NLGN4X: variants seen among roughly 807,000 people sequenced by gnomAD.
The protein encoded by NLGN4X is neuroligin 4 X-linked, also known as neuroligin-4, X-linked.
Under a neutral mutation model 40.3 loss-of-function variants are expected in NLGN4X, and 3 were observed. The observed-to-expected ratio is 0.07, with a 90% CI of 0.03 to 0.19. The LOEUF is 0.19. Ranked by LOEUF, NLGN4X falls within the 10% of genes least tolerant of loss-of-function variation. The pLI, the probability that NLGN4X is intolerant of heterozygous loss-of-function variation, is 1.00. For missense variants in NLGN4X, 382 were observed against 708.3 expected (o/e 0.54, Z 5.23); for synonymous variants, 270 against 306.8 (o/e 0.88, Z 1.25).
At chrX:5,948,096 A>T (rs1335154783) in intron 3 of NLGN4X, among the ~76,000 whole-genome samples, 1 of 111,824 alleles carries the variant, frequency 8.9e-6, no homozygotes, top group Non-Finnish European at 1.9e-5. Flanking sequence ...GGAAAGACAT[A>T]GTAACAGAAA....
chrX:5,898,367 CCCT>C (rs1475357335), intron 5 of NLGN4X, among the ~76,000 whole-genome samples: 1 of 106,127 alleles, frequency 9.4e-6, no homozygotes, highest in Non-Finnish European at 1.9e-5. Flanking sequence ...TCCATTCCCT[CCCT>C]CCTTCCTTCC....
intron 2 of NLGN4X, among the ~76,000 whole-genome samples, chrX:6,091,530 T>C (rs2038639969): frequency 9.0e-6 from 1 of 111,466 alleles, no homozygotes; most frequent in Non-Finnish European, 1.9e-5. Flanking sequence ...GAGATTCTGC[T>C]ACAGTCTGCT....
chrX:5,942,965 T>C (rs557117880), intron 3 of NLGN4X, among the ~76,000 whole-genome samples: 10 of 111,627 alleles, frequency 9.0e-5, no homozygotes, highest in South Asian at 7.7e-4. Context: ...CTGTTGTGAA[T>C]TGTCTTTGCA....
At chrX:6,226,105 G>C (rs1423412606) in intron 1 of NLGN4X, among the ~76,000 whole-genome samples, 4 of 102,802 alleles carry the variant, frequency 3.9e-5, no homozygotes, top group East Asian at 6.3e-4. Flanking sequence ...GCCCTAGGCT[G>C]AATTCGTGAC....
intron 2 of NLGN4X, among the ~76,000 whole-genome samples, chrX:6,087,931 A>C (rs189442735): frequency 8.9e-6 from 1 of 111,868 alleles, no homozygotes; most frequent in African/African-American, 3.2e-5. Flanking sequence ...ACTCATTTAC[A>C]AGTTTTTCTC....
intron 3 of NLGN4X, among the ~76,000 whole-genome samples, chrX:5,931,549 A>G (rs1362563041): frequency 8.9e-6 from 1 of 112,164 alleles, no homozygotes; most frequent in Non-Finnish European, 1.9e-5. Flanking sequence ...TCTTCAGTCC[A>G]AAGTCCAGGG....
chrX:6,103,510 G>A (rs1479467775), intron 2 of NLGN4X, among the ~76,000 whole-genome samples: 1 of 112,194 alleles, frequency 8.9e-6, no homozygotes, highest in Non-Finnish European at 1.9e-5. Flanking sequence ...GCAATGTCTA[G>A]GAGTGCAGAA....
At chrX:6,055,551 G>T (rs1033804174) in intron 2 of NLGN4X, among the ~76,000 whole-genome samples, 6 of 110,844 alleles carry the variant, frequency 5.4e-5, no homozygotes, top group African/African-American at 2.0e-4. Flanking sequence ...CTACCTGGGT[G>T]ACAGGATCCT....
intron 3 of NLGN4X, among the ~76,000 whole-genome samples, chrX:5,930,984 C>T (rs984642274): frequency 1.8e-5 from 2 of 111,896 alleles, no homozygotes; most frequent in African/African-American, 6.5e-5. Context: ...TCAGCTACCA[C>T]TTATCATAAG....
At chrX:5,945,842 G>A (rs2034104877) in intron 3 of NLGN4X, among the ~76,000 whole-genome samples, 1 of 111,033 alleles carries the variant, frequency 9.0e-6, no homozygotes, top group South Asian at 3.9e-4. Context: ...ATACCTGGAT[G>A]ATGAAATAAT....
At chrX:6,215,943 A>G (rs2147890344) in intron 1 of NLGN4X, among the ~76,000 whole-genome samples, 1 of 106,774 alleles carries the variant, frequency 9.4e-6, no homozygotes, top group South Asian at 4.2e-4. Context: ...GTGGCGTGAT[A>G]TCAGCTTACT....
At chrX:6,040,087 A>T (rs1393945190) in intron 2 of NLGN4X, among the ~76,000 whole-genome samples, 1 of 110,382 alleles carries the variant, frequency 9.1e-6, no homozygotes, top group Non-Finnish European at 1.9e-5. Context: ...ACAGGTGTGC[A>T]CCACCACACC....
chrX:5,936,672 C>T (rs1423266401), intron 3 of NLGN4X, among the ~76,000 whole-genome samples: 1 of 112,035 alleles, frequency 8.9e-6, no homozygotes, highest in Non-Finnish European at 1.9e-5. Context: ...TCAAATTGCA[C>T]GCACAGCTAA....
intron 3 of NLGN4X, among the ~76,000 whole-genome samples, chrX:5,989,159 T>C (rs7058415): frequency 0.071 from 7,937 of 111,578 alleles, 695 homozygotes; most frequent in African/African-American, 0.24. Context: ...TTCCTTGTCT[T>C]TGAATTAAAA....
At chrX:6,074,657 A>G (rs2038150648) in intron 2 of NLGN4X, among the ~76,000 whole-genome samples, 1 of 111,805 alleles carries the variant, frequency 8.9e-6, no homozygotes, top group Non-Finnish European at 1.9e-5. Context: ...ACAACTATCA[A>G]AATTATACAG....
chrX:5,958,461 C>T (rs1364768208), intron 3 of NLGN4X, among the ~76,000 whole-genome samples: 1 of 111,336 alleles, frequency 9.0e-6, no homozygotes, highest in Admixed American at 9.6e-5. Context: ...GCTTGACACT[C>T]ATTAAGGGGT....
At chrX:6,016,999 G>C (rs774180628) in intron 3 of NLGN4X, among the ~76,000 whole-genome samples, 1 of 111,618 alleles carries the variant, frequency 9.0e-6, no homozygotes, top group Non-Finnish European at 1.9e-5. Context: ...TTTCTCTTTG[G>C]AATGACGTCA....
intron 1 of NLGN4X, among the ~76,000 whole-genome samples, chrX:6,182,183 C>T (rs1921524247): frequency 8.9e-6 from 1 of 111,807 alleles, no homozygotes; most frequent in African/African-American, 3.3e-5. Flanking sequence ...GAAAAGGGAA[C>T]TTAGGGCCAA....
chrX:6,078,921 A>G (rs2038273497), intron 2 of NLGN4X, among the ~76,000 whole-genome samples: 1 of 111,300 alleles, frequency 9.0e-6, no homozygotes, highest in Non-Finnish European at 1.9e-5. Context: ...TTCTCATGAT[A>G]GCGAGTGAGT....
Sources: allele counts gnomAD v4.1 joint callset (sites outside exome capture counted in the v4.1 genomes callset), GRCh38; gene constraint gnomAD v4.1.1; transcripts MANE v1.5; gene names NCBI Gene and HGNC (gene_info 2026-07-23, HGNC 2026-07-21).